Variants in DPCD observed in about 807,000 individuals in gnomAD.
DPCD encodes the protein deleted in primary ciliary dyskinesia homolog (mouse), also known as protein DPCD.
DPCD carries 20 observed loss-of-function variants against 26.4 expected under a neutral mutation model. That is an observed-to-expected ratio of 0.76 (90% CI 0.53 to 1.10). The LOEUF (loss-of-function observed/expected upper bound fraction) is 1.10, where lower values mean the gene tolerates loss of function less well. Among genes scored for constraint, DPCD ranks in the 50% least tolerant of loss-of-function variants. The probability of loss-of-function intolerance (pLI) is 0.00; values close to 1 mark genes in which losing one functional copy is unlikely to be tolerated. For synonymous variants in DPCD, 97 were observed against 94.2 expected (o/e 1.03, Z -0.17); for missense variants, 202 against 253.9 (o/e 0.80, Z 1.39).
At chr10:101,602,949 G>T (rs1015837362) in intron 4 of DPCD, among the ~76,000 whole-genome samples, 1 of 152,262 alleles carries the variant, frequency 6.6e-6, no homozygotes, top group Admixed American at 6.5e-5. Context: ...CATCTCCTGC[G>T]CACATCCAGC....
rs150055051 is a variant in DPCD at position 101,590,944 on chromosome 10, G to T, written c.64+2544G>T. On this transcript the variant is annotated intron_variant, in intron 1 of 5. Transcript: ENST00000370151. ...TTCAAGGTTCATCCATGTTGCCACA[G>T]TTGGATACTTCCAGCTGTGCCATTA... Among the ~76,000 whole-genome samples, 355 of 152,296 alleles carry T rather than the reference G, an allele frequency of 2.3e-3. 4 individuals carry two copies. Among genetic ancestry groups the T allele is most frequent in the African/African-American group, 7.8e-3 (325 of 41,564 alleles).
At chr10:101,605,678 G>A (rs1033261007) in intron 4 of DPCD, among the ~76,000 whole-genome samples, 1 of 152,168 alleles carries the variant, frequency 6.6e-6, no homozygotes, top group East Asian at 1.9e-4. Context: ...CAGAGTGTTC[G>A]GACCCCAGGG....
intron 2 of DPCD, among the ~76,000 whole-genome samples, chr10:101,599,866 G>A (rs929351537): frequency 3.9e-5 from 6 of 152,204 alleles, no homozygotes; most frequent in Non-Finnish European, 8.8e-5. Flanking sequence ...AGCAGGAAGG[G>A]AAAGGAACTG....
Position 101,600,805 on chromosome 10 carries a change from A to G in DPCD, c.213A>G (p.Pro71=). Residue 71 remains proline (P), a synonymous_variant, in exon 3 of 6, where the codon CCA becomes CCG. Coordinates refer to ENST00000370151, the MANE Select transcript of DPCD (RefSeq NM_015448.3). This position sits in a 1 kb window ranked among gnomAD's most constrained non-coding sequence, Gnocchi z 4.7. ...MGQWQLEVGD[P]APLGAGNLGP... ...AGTGGCAGCTTGAAGTAGGAGACCC[A>G]GCGCCCCTAGGAGCAGGGAACCTGG... 1 of 1,613,936 alleles carries G rather than the reference A, an allele frequency of 6.2e-7. No individual in the cohort carries two copies. Among genetic ancestry groups the G allele is most frequent in the South Asian group, 1.1e-5 (1 of 91,064 alleles).
At chr10:101,605,304 T>A (rs1482636576) in intron 4 of DPCD, 1 of 1,512,722 alleles carries the variant, frequency 6.6e-7, no homozygotes, top group East Asian at 2.5e-5. Context: ...GCCTGGCCTC[T>A]GGTGCCCTTT....
chr10:101,594,195 T>C (rs1229945264), intron 1 of DPCD, among the ~76,000 whole-genome samples: 1 of 102,564 alleles, frequency 9.8e-6, no homozygotes, highest in Non-Finnish European at 2.4e-5. Flanking sequence ...ATAAATACGA[T>C]GTCATTCATG....
intron 1 of DPCD, among the ~76,000 whole-genome samples, 174 bp from the exon 2 acceptor site, chr10:101,594,484 C>CAGGACACG (rs1189454490): frequency 6.6e-6 from 1 of 152,144 alleles, no homozygotes; most frequent in Non-Finnish European, 1.5e-5. Flanking sequence ...GAGAGAGTCT[C>CAGGACACG]AGGACACGTT....
intron 2 of DPCD, among the ~76,000 whole-genome samples, chr10:101,599,662 A>G (rs1258684276): frequency 1.3e-5 from 2 of 152,222 alleles, no homozygotes; most frequent in Non-Finnish European, 2.9e-5. Context: ...CCGGCTGCCT[A>G]GTGCTGAGAA....
intron 2 of DPCD, among the ~76,000 whole-genome samples, chr10:101,595,820 A>G (rs2063647593): frequency 6.6e-6 from 1 of 152,206 alleles, no homozygotes; most frequent in Admixed American, 6.5e-5. Context: ...GTGGAAACCA[A>G]TACAGTAGTA....
intron 1 of DPCD, 46 bp from the exon 2 acceptor site, chr10:101,594,612 G>C (rs955299952): frequency 8.2e-6 from 13 of 1,591,916 alleles, no homozygotes; most frequent in Non-Finnish European, 1.1e-5. Context: ...CAAGGGACAG[G>C]GCAAGGGGAG....
intron 4 of DPCD, among the ~76,000 whole-genome samples, chr10:101,608,444 T>A (rs1018535887): frequency 6.6e-6 from 1 of 152,208 alleles, no homozygotes; most frequent in Non-Finnish European, 1.5e-5. Context: ...TGTCCTTTGT[T>A]AGAACACGTC....
rs754151877 is a variant in DPCD at position 101,605,205 on chromosome 10, C to G, written c.405-3630C>G. ...CGGTGTGCAGGTGTGCATGGCACCC[C>G]CTCTGAGGTATGTGAGGCATGACCC... On this transcript the variant is annotated intron_variant, in intron 4 of 5. Transcript: ENST00000370151. 5.2e-6 allele frequency: 8 copies of G among 1,550,298 alleles called. No homozygotes were observed. In the South Asian group the frequency reaches 7.1e-5, roughly 14 times the overall value.
chr10:101,598,007 C>T (rs576179599), intron 2 of DPCD, among the ~76,000 whole-genome samples: 3 of 152,196 alleles, frequency 2.0e-5, no homozygotes, highest in Non-Finnish European at 1.5e-5. Context: ...AAAGGTGAAG[C>T]AGCCAGAGGT....
intron 4 of DPCD, among the ~76,000 whole-genome samples, chr10:101,607,300 A>G (rs1194240041): frequency 6.6e-6 from 1 of 152,210 alleles, no homozygotes; most frequent in African/African-American, 2.4e-5. Flanking sequence ...GGCCCCAGGA[A>G]GAGCCCTCAG....
intron 2 of DPCD, among the ~76,000 whole-genome samples, chr10:101,599,370 G>A (rs1221938867): frequency 6.6e-6 from 1 of 152,130 alleles, no homozygotes; most frequent in Non-Finnish European, 1.5e-5. Context: ...TAAGAGAGAA[G>A]TATTTGTGGG....
Position 101,600,932 on chromosome 10 carries a change from G to A in DPCD, c.270+70G>A. ...TGGGCTGTGGGCTGCTGGCTCTTGA[G>A]GGCAGGGACCATGTCTTGTTCACCT... On this transcript the variant is annotated intron_variant, in intron 3 of 5. Transcript: ENST00000370151. The surrounding 1 kb of genome is among the most constrained non-coding windows in gnomAD (Gnocchi z 4.7). 6.2e-7 allele frequency: 1 copy of A among 1,606,016 alleles called. No individual in the cohort carries two copies. Among genetic ancestry groups the A allele is most frequent in the Non-Finnish European group, 8.5e-7 (1 of 1,177,778 alleles).
rs145345989 is a variant in DPCD, at chr10:101,609,226, C to T, written c.508-141C>T. 4.8e-5 allele frequency: 38 copies of T among 796,872 alleles called. No homozygotes were observed. The African/African-American group carries it at 6.4e-4, about 13-fold the overall frequency. The allele number at this position is 796,872 out of a possible 1,614,324, so 49.4% of individuals were successfully genotyped here. On this transcript the variant is annotated intron_variant, in intron 5 of 5. Transcript: ENST00000370151. ...GGTCTGCTCCTACTCAGGCACATGACCTTGAGCAAATCATTCAATCCTACA... is the reference window on the plus strand; with the variant it reads ...GGTCTGCTCCTACTCAGGCACATGATCTTGAGCAAATCATTCAATCCTACA...
At chr10:101,594,810 G>A in intron 2 of DPCD, 72 bp downstream of exon 2, 1 of 1,432,404 alleles carries the variant, frequency 7.0e-7, no homozygotes. Flanking sequence ...AACACTCCTA[G>A]CCTTAGGCTT....
At chr10:101,594,574 C>G in intron 1 of DPCD, 84 bp from the exon 2 acceptor site, 4 of 1,418,128 alleles carry the variant, frequency 2.8e-6, no homozygotes, top group Non-Finnish European at 4.0e-6. Flanking sequence ...AAGGCTGGCA[C>G]TGTTTCCCAG....
Sources: allele counts gnomAD v4.1 joint callset (sites outside exome capture counted in the v4.1 genomes callset), GRCh38; gene constraint gnomAD v4.1.1; non-coding constraint Gnocchi (gnomAD v3.1); transcripts MANE v1.5; gene names NCBI Gene and HGNC (gene_info 2026-07-23, HGNC 2026-07-21).